Variants in TNNI3K observed in about 807,000 individuals in gnomAD.
TNNI3K encodes the protein TNNI3 interacting kinase, also known as serine/threonine-protein kinase TNNI3K.
In TNNI3K, 140 loss-of-function variants were observed where a neutral mutation model predicts 114.5. The observed-to-expected ratio is 1.22, with a 90% CI of 1.07 to 1.41. TNNI3K has a LOEUF of 1.41. Among genes scored for constraint, TNNI3K ranks in the 40% most tolerant of loss-of-function variants. The pLI, the probability that TNNI3K is intolerant of heterozygous loss-of-function variation, is 0.00. For missense variants in TNNI3K, 1,125 were observed against 1,007.6 expected (o/e 1.12, Z -1.58); for synonymous variants, 347 against 347.5 (o/e 1.00, Z 0.02).
chr1:74,255,448 G>A (rs1352023212), intron 4 of TNNI3K, among the ~76,000 whole-genome samples: 1 of 151,910 alleles, frequency 6.6e-6, no homozygotes, highest in Non-Finnish European at 1.5e-5. Flanking sequence ...CACTCAAAAT[G>A]GAGTTGTTCA....
chr1:74,322,790 A>G (rs1171624362), intron 5 of TNNI3K, among the ~76,000 whole-genome samples: 5 of 152,030 alleles, frequency 3.3e-5, no homozygotes, highest in African/African-American at 9.7e-5. Context: ...TCCATTCTCC[A>G]TCTCCAGGCC....
chr1:74,464,502 CA>C lies in TNNI3K; in HGVS notation c.2121+953del, dbSNP rs939752174. 3.6e-6 allele frequency: 5 copies of C among 1,391,908 alleles called. No homozygotes were observed. In the African/African-American group the frequency reaches 4.4e-5, roughly 12 times the overall value. The allele number at this position is 1,391,908 out of a possible 1,614,324, so 86.2% of individuals were successfully genotyped here. A position where few individuals can be genotyped will look rare whatever the true frequency, so the allele number is the denominator to read the frequency against. On this transcript the variant is annotated intron_variant, in intron 21 of 24. Transcript: ENST00000326637. ...AACTTTGTTTCTGATCCTTCCTAGG[CA>C]CTTTATAGCTCTTCAACAAGAGAAT...
At chr1:74,519,984 C>T (rs1646407368) in intron 23 of TNNI3K, among the ~76,000 whole-genome samples, 1 of 152,064 alleles carries the variant, frequency 6.6e-6, no homozygotes, top group African/African-American at 2.4e-5. Context: ...TGGGATCTTG[C>T]CCAAGCTCAT....
chr1:74,451,625 T>C (rs190307185), intron 20 of TNNI3K, among the ~76,000 whole-genome samples: 1 of 148,206 alleles, frequency 6.7e-6, no homozygotes. Flanking sequence ...CTTCCTTCCT[T>C]CCTTTTCTTT....
At position 74,436,137 on chromosome 1, in the gene TNNI3K, G is replaced by A; in HGVS notation, c.1825+5G>A. The A allele has an allele frequency of 1.2e-6, 2 of 1,608,120 alleles. No homozygotes were observed. The highest frequency in any genetic ancestry group is 4.5e-5 in the East Asian group (2 of 44,592). On this transcript the variant is annotated splice_donor_5th_base_variant and intron_variant, in intron 18 of 24. Coordinates refer to ENST00000326637, the MANE Select transcript of TNNI3K (RefSeq NM_015978.3). ...CTGTGGTGGCAGATTTTGGAGGTGAGATACCCCAAAATGGCATCCTTTTTT... is the reference window on the plus strand; with the variant it reads ...CTGTGGTGGCAGATTTTGGAGGTGAAATACCCCAAAATGGCATCCTTTTTT...
Position 74,493,299 on chromosome 1 carries a change from A to G in TNNI3K, c.2351+1033A>G, listed in dbSNP as rs183417787. Among the ~76,000 whole-genome samples, 8 of 152,332 alleles carry G rather than the reference A, an allele frequency of 5.3e-5. No homozygotes were observed. In the East Asian group the frequency reaches 1.4e-3, roughly 26 times the overall value. On this transcript the variant is annotated intron_variant, in intron 23 of 24. Coordinates refer to ENST00000326637, the MANE Select transcript of TNNI3K (RefSeq NM_015978.3). ...TTGGAATTAAAATGGTGGTTGTAAA[A>G]CTGTGAATGTACTAAATACCACTGA...
chr1:74,480,092 A>G, intron 21 of TNNI3K: 1 of 655,526 alleles, frequency 1.5e-6, no homozygotes, highest in South Asian at 1.8e-5. Context: ...ATCACTTAGC[A>G]TGCTGCAAAA....
chr1:74,415,797 T>A (rs1328139238), intron 17 of TNNI3K, among the ~76,000 whole-genome samples: 1 of 152,076 alleles, frequency 6.6e-6, no homozygotes, highest in Admixed American at 6.6e-5. Context: ...TAGATTATGG[T>A]CATCTTTATA....
At chr1:74,433,760 G>A (rs558088723) in intron 17 of TNNI3K, among the ~76,000 whole-genome samples, 17 of 152,028 alleles carry the variant, frequency 1.1e-4, no homozygotes, top group African/African-American at 4.1e-4. Flanking sequence ...TTATCAGGTG[G>A]GTCTAATCTT....
At chr1:74,417,645 A>G (rs374705718) in intron 17 of TNNI3K, among the ~76,000 whole-genome samples, 19 of 150,932 alleles carry the variant, frequency 1.3e-4, no homozygotes, top group Admixed American at 4.0e-4. Context: ...GTTACATGCT[A>G]TGATGTCCAA....
At chr1:74,443,793 T>C (rs912890629) in intron 20 of TNNI3K, among the ~76,000 whole-genome samples, 1 of 152,088 alleles carries the variant, frequency 6.6e-6, no homozygotes, top group Non-Finnish European at 1.5e-5. Context: ...CAGCGGCACA[T>C]CAAAAAGCTT....
chr1:74,428,495 G>A (rs746941769), intron 17 of TNNI3K, among the ~76,000 whole-genome samples: 3 of 152,068 alleles, frequency 2.0e-5, no homozygotes, highest in Non-Finnish European at 4.4e-5. Context: ...TCTGGCCTTT[G>A]GTAAGGAGGG....
chr1:74,291,536 C>T (rs1027449211), intron 5 of TNNI3K, among the ~76,000 whole-genome samples: 1 of 151,304 alleles, frequency 6.6e-6, no homozygotes, highest in African/African-American at 2.4e-5. Flanking sequence ...AAACTGAGTT[C>T]CAGAAAGGTT....
At chr1:74,244,455 C>T (rs1290303622) in intron 2 of TNNI3K, among the ~76,000 whole-genome samples, 1 of 151,882 alleles carries the variant, frequency 6.6e-6, no homozygotes, top group Non-Finnish European at 1.5e-5. Context: ...ATTAATTTTG[C>T]TTTCAATTTT....
chr1:74,458,948 TC>T (rs1667337116), intron 20 of TNNI3K, among the ~76,000 whole-genome samples: 1 of 152,186 alleles, frequency 6.6e-6, no homozygotes, highest in South Asian at 2.1e-4. Context: ...TCTATTGTTC[TC>T]ATCTTTATGT....
At chr1:74,525,173 G>A (rs75738476) in intron 23 of TNNI3K, among the ~76,000 whole-genome samples, 1,918 of 152,176 alleles carry the variant, frequency 0.013, 43 homozygotes, top group African/African-American at 0.044. Flanking sequence ...CAGTGGAAGA[G>A]GGGAAGGAAA....
At chr1:74,363,631 C>G (rs1662095646) in intron 11 of TNNI3K, among the ~76,000 whole-genome samples, 1 of 152,008 alleles carries the variant, frequency 6.6e-6, no homozygotes, top group African/African-American at 2.4e-5. Context: ...ATGAGGCCCT[C>G]TCATCTGTCA....
intron 23 of TNNI3K, among the ~76,000 whole-genome samples, chr1:74,521,541 T>C (rs1646433075): frequency 6.6e-6 from 1 of 152,146 alleles, no homozygotes; most frequent in Non-Finnish European, 1.5e-5. Context: ...CACCTATATA[T>C]ACATATATGC....
intron 23 of TNNI3K, among the ~76,000 whole-genome samples, chr1:74,512,936 T>G (rs750099717): frequency 6.6e-6 from 1 of 152,194 alleles, no homozygotes; most frequent in Non-Finnish European, 1.5e-5. Flanking sequence ...CTGTCCCTCA[T>G]CCGGGTAAAT....
Sources: allele counts gnomAD v4.1 joint callset (sites outside exome capture counted in the v4.1 genomes callset), GRCh38; gene constraint gnomAD v4.1.1; transcripts MANE v1.5; gene names NCBI Gene and HGNC (gene_info 2026-07-23, HGNC 2026-07-21).